PRKCB: variants seen among roughly 807,000 people sequenced by gnomAD.
PRKCB encodes the protein protein kinase C beta type.
PRKCB carries 13 observed loss-of-function variants against 81.5 expected under a neutral mutation model. The ratio of observed to expected loss-of-function variants is 0.16; its 90% CI spans 0.10 to 0.25. PRKCB has a LOEUF of 0.25. Among genes scored for constraint, PRKCB ranks in the 10% least tolerant of loss-of-function variants. The probability of loss-of-function intolerance (pLI) is 1.00; values close to 1 mark genes in which losing one functional copy is unlikely to be tolerated. For synonymous variants in PRKCB, 335 were observed against 321.4 expected (o/e 1.04, Z -0.45); for missense variants, 509 against 875.7 (o/e 0.58, Z 5.29).
At chr16:24,144,403 A>T (rs1596567583) in intron 9 of PRKCB, among the ~76,000 whole-genome samples, 1 of 152,288 alleles carries the variant, frequency 6.6e-6, no homozygotes, top group East Asian at 1.9e-4. Flanking sequence ...GGTTCAAGTG[A>T]TACTCCTGCC....
chr16:24,169,243 C>T (rs964632249), intron 10 of PRKCB, among the ~76,000 whole-genome samples: 3 of 152,116 alleles, frequency 2.0e-5, no homozygotes, highest in African/African-American at 7.2e-5. Flanking sequence ...CCTCGAGGAT[C>T]ACCCATTTAT....
intron 8 of PRKCB, among the ~76,000 whole-genome samples, chr16:24,119,809 C>A (rs969683234): frequency 2.0e-5 from 3 of 152,150 alleles, no homozygotes. Context: ...TGTCTCCAGT[C>A]CAGATATCTT....
chr16:23,976,105 G>A (rs1051750483), intron 2 of PRKCB, among the ~76,000 whole-genome samples: 5 of 151,970 alleles, frequency 3.3e-5, no homozygotes, highest in Admixed American at 3.3e-4. Flanking sequence ...CCAGGAGTTC[G>A]AAACCAGCCT....
intron 2 of PRKCB, among the ~76,000 whole-genome samples, chr16:23,903,366 G>A (rs997704564): frequency 6.6e-6 from 1 of 151,954 alleles, no homozygotes; most frequent in Admixed American, 6.6e-5. Flanking sequence ...AGACAGGTCT[G>A]CTCCGTACAT....
At chr16:23,994,017 A>G (rs1964923135) in intron 3 of PRKCB, among the ~76,000 whole-genome samples, 1 of 152,196 alleles carries the variant, frequency 6.6e-6, no homozygotes, top group African/African-American at 2.4e-5. Context: ...AATGAAAGGG[A>G]GGTAAAATTT....
At chr16:24,205,145 C>CTTTTTT (rs71154289) in intron 16 of PRKCB, among the ~76,000 whole-genome samples, 1 of 115,678 alleles carries the variant, frequency 8.6e-6, no homozygotes, top group Non-Finnish European at 1.7e-5. Context: ...ATTATAATTC[C>CTTTTTT]TTTTTTTTTT....
At chr16:24,010,412 C>T (rs757423250) in intron 3 of PRKCB, among the ~76,000 whole-genome samples, 5 of 152,134 alleles carry the variant, frequency 3.3e-5, no homozygotes, top group Admixed American at 6.5e-5. Context: ...TGTGAACCTC[C>T]GGTTTACAAC....
chr16:24,007,212 T>A (rs1209107512), intron 3 of PRKCB, among the ~76,000 whole-genome samples: 2 of 152,178 alleles, frequency 1.3e-5, no homozygotes, highest in African/African-American at 4.8e-5. Flanking sequence ...GAGGATTAAA[T>A]GAGTTAACCT....
intron 2 of PRKCB, among the ~76,000 whole-genome samples, chr16:23,977,980 CGTGGTAG>C (rs1354652530): frequency 6.6e-6 from 1 of 152,116 alleles, no homozygotes; most frequent in Non-Finnish European, 1.5e-5. Flanking sequence ...AAGCCAGGCA[CGTGGTAG>C]GCACGTGAAT....
chr16:24,111,922 A>G (rs185614864), intron 7 of PRKCB, among the ~76,000 whole-genome samples: 1 of 152,344 alleles, frequency 6.6e-6, no homozygotes, highest in East Asian at 1.9e-4. Context: ...TCAATTTCAC[A>G]AGAATTCTAT....
At chr16:23,866,056 G>A (rs1008649457) in intron 2 of PRKCB, among the ~76,000 whole-genome samples, 3 of 150,392 alleles carry the variant, frequency 2.0e-5, no homozygotes, top group Non-Finnish European at 4.4e-5. Context: ...AAAGAAAGTA[G>A]GATAAGAACA....
chr16:24,185,606 A>C (rs1241597339), intron 15 of PRKCB, 39 bp downstream of exon 15: 1 of 1,547,068 alleles, frequency 6.5e-7, no homozygotes, highest in Non-Finnish European at 8.9e-7. Flanking sequence ...GGACCACCAC[A>C]TAAAGGCATG....
intron 2 of PRKCB, among the ~76,000 whole-genome samples, chr16:23,891,578 C>T (rs943593750): frequency 2.0e-5 from 3 of 152,082 alleles, no homozygotes; most frequent in Non-Finnish European, 2.9e-5. Context: ...TATGTTAGGC[C>T]TATCTGCAAG....
intron 2 of PRKCB, among the ~76,000 whole-genome samples, chr16:23,937,190 C>T (rs1165525740): frequency 1.3e-5 from 2 of 152,222 alleles, no homozygotes; most frequent in East Asian, 3.9e-4. Flanking sequence ...AAATGTGGAC[C>T]CTGAGCCCTA....
chr16:24,151,776 A>G, intron 9 of PRKCB: 15 of 455,948 alleles, frequency 3.3e-5, no homozygotes, highest in South Asian at 2.2e-4. Context: ...TGGCACAGTC[A>G]GAGCTGCATT....
At chr16:23,968,448 G>T (rs1316360674) in intron 2 of PRKCB, among the ~76,000 whole-genome samples, 1 of 152,188 alleles carries the variant, frequency 6.6e-6, no homozygotes, top group Non-Finnish European at 1.5e-5. Context: ...GAGAGCTGGG[G>T]CTAAGAAGGA....
intron 3 of PRKCB, among the ~76,000 whole-genome samples, chr16:23,993,608 T>A (rs1228547617): frequency 1.3e-5 from 2 of 152,242 alleles, no homozygotes; most frequent in Non-Finnish European, 2.9e-5. Context: ...TTAAGAGCTC[T>A]GTGATCCCTC....
intron 15 of PRKCB, among the ~76,000 whole-genome samples, chr16:24,189,768 C>T (rs1011249370): frequency 1.3e-5 from 2 of 151,882 alleles, no homozygotes; most frequent in African/African-American, 2.4e-5. Context: ...AATTATCTTG[C>T]GAGGGGGCAA....
chr16:23,929,412 T>A (rs1481090727), intron 2 of PRKCB, among the ~76,000 whole-genome samples: 1 of 152,084 alleles, frequency 6.6e-6, no homozygotes, highest in Non-Finnish European at 1.5e-5. Flanking sequence ...TTCCTTGCTG[T>A]GTGGTCTTAG....
Sources: allele counts gnomAD v4.1 joint callset (sites outside exome capture counted in the v4.1 genomes callset), GRCh38; gene constraint gnomAD v4.1.1; transcripts MANE v1.5; gene names NCBI Gene and HGNC (gene_info 2026-07-23, HGNC 2026-07-21).